Variants in PASK observed in about 807,000 individuals in gnomAD.
PASK encodes the protein PAS domain-containing serine/threonine-protein kinase.
In PASK, 110 loss-of-function variants were observed where a neutral mutation model predicts 121.0. That is an observed-to-expected ratio of 0.91 (90% CI 0.78 to 1.06). PASK has a LOEUF of 1.06. PASK is among the 50% of genes least tolerant of loss of function. The probability of loss-of-function intolerance (pLI) is 0.00; values close to 1 mark genes in which losing one functional copy is unlikely to be tolerated. For synonymous variants in PASK, 686 were observed against 717.8 expected (o/e 0.96, Z 0.71); for missense variants, 1,643 against 1,702.3 (o/e 0.97, Z 0.61).
Position 241,123,198 on chromosome 2 carries a change from C to G in PASK, c.2905-299G>C, listed in dbSNP as rs1416670366. Among the ~76,000 whole-genome samples the G allele has an allele frequency of 3.3e-4, 46 of 137,972 alleles. 1 individual carries two copies. In the South Asian group the frequency reaches 0.011, roughly 33 times the overall value. 90.5% of individuals were successfully genotyped at this position (137,972 alleles called of 152,430 possible). ...TCTTTTTTTTTTTTTTTTTTTTAGA[C>G]GGAGTCTGGCTCTGTCGCCCAGGCT... On this transcript the variant is annotated intron_variant, in intron 11 of 17. Transcript: ENST00000234040.
intron 9 of PASK, among the ~76,000 whole-genome samples, chr2:241,130,860 G>A (rs3213681): frequency 0.16 from 23,692 of 152,084 alleles, 2,797 homozygotes; most frequent in East Asian, 0.66. Context: ...ACATGTGTGT[G>A]CGTACACATA....
At chr2:241,116,418 C>G (rs1392066700) in intron 12 of PASK, among the ~76,000 whole-genome samples, 1 of 152,222 alleles carries the variant, frequency 6.6e-6, no homozygotes, top group Non-Finnish European at 1.5e-5. Context: ...GGAGCCATAA[C>G]CTGGGCTGGA....
intron 9 of PASK, among the ~76,000 whole-genome samples, chr2:241,128,772 G>A (rs866124257): frequency 6.6e-5 from 10 of 152,074 alleles, no homozygotes; most frequent in Middle Eastern, 3.2e-3. Flanking sequence ...AGGCTGAAGC[G>A]GGAACCTCGC....
At chr2:241,150,341 A>C, upstream of PASK, 2 of 1,313,114 alleles carry the variant, frequency 1.5e-6, no homozygotes, top group Non-Finnish European at 1.9e-6. Context: ...TCATGACGGA[A>C]CTACAACTCC....
At chr2:241,119,902 T>TC (rs2065534173) in intron 12 of PASK, among the ~76,000 whole-genome samples, 1 of 152,174 alleles carries the variant, frequency 6.6e-6, no homozygotes, top group Non-Finnish European at 1.5e-5. Context: ...ATCTTGTCCT[T>TC]CCCCACGGGT....
upstream of PASK, chr2:241,150,117 C>T: frequency 2.4e-6 from 3 of 1,260,088 alleles, no homozygotes; most frequent in South Asian, 2.2e-5. Flanking sequence ...CGCGGCCCCT[C>T]CACGCCTCCG....
chr2:241,149,697 C>A, upstream of PASK: 1 of 1,551,148 alleles, frequency 6.4e-7, no homozygotes, highest in Non-Finnish European at 8.7e-7. Context: ...TCCCGACTCG[C>A]GATCAAAATG....
chr2:241,136,103 C>T (rs541958681), intron 7 of PASK, 64 bp from the exon 8 acceptor site: 1 of 1,413,360 alleles, frequency 7.1e-7, no homozygotes, highest in African/African-American at 1.4e-5. Flanking sequence ...TGGACCGTCC[C>T]CCTGGGGGAG....
Position 241,127,111 on chromosome 2 carries a change from C to A in PASK, c.1804G>T (p.Ala602Ser), listed in dbSNP as rs2065905061. The A allele has an allele frequency of 6.2e-7, 1 of 1,614,068 alleles. No homozygotes were observed. The highest frequency in any genetic ancestry group is 2.2e-5 in the East Asian group (1 of 44,876). ...CAGTGCATCAGGAGGCTGCCCCCCG[C>A]CAGCTGACCCTTGGCCTGGGGCTTG... The part of the protein sequence containing the change: ...VAKPQAKGQL[A>S]GGSLLMHCPC... Residue 602 changes from alanine (A) to serine (S), a missense_variant, in exon 10 of 18, where the codon GCG (alanine) becomes TCG (serine). Physicochemically the swap from Ala to Ser is moderately conservative, Grantham distance 99 (BLOSUM62 1). Around this residue, in one of 3 missense-constraint regions of PASK, gnomAD observed 1,176 missense variants for 1,162.2 expected, o/e 1.01. Transcript: ENST00000234040.
In PASK at chr2:241,121,410, A is replaced by G. The variant is rs1053095647; in HGVS notation, c.3072+1322T>C. ...AACTAACAAGAAACAAAAACATGAC[A>G]TAATAAAATATAGTCAACAGAAAGT... On this transcript the variant is annotated intron_variant, in intron 12 of 17. Transcript: ENST00000234040. Among the ~76,000 whole-genome samples the G allele has an allele frequency of 7.2e-5, 11 of 152,384 alleles. No individual in the cohort carries two copies. The East Asian group carries it at 1.9e-3, about 27-fold the overall frequency.
chr2:241,127,189 T>C lies in PASK; in HGVS notation c.1726A>G (p.Met576Val). ...GAACCGCTGGGACCACTGACTCCCA[T>C]CCGCTCTAGCTGGGCCTTCTGACAC... ...GLCQKAQLER[M>V]GVSGPSGSDL... The change falls in exon 10 of 18, where the codon ATG becomes GTG. Residue 576 changes from methionine to valine, a missense_variant. This residue lies in a region of PASK where 1,176 missense variants were observed against 1,162.2 expected (regional missense o/e 1.01). Coordinates refer to ENST00000234040, the MANE Select transcript of PASK (RefSeq NM_015148.4). The C allele has an allele frequency of 5.6e-6, 9 of 1,614,182 alleles. No homozygotes were observed. Among genetic ancestry groups the C allele is most frequent in the Non-Finnish European group, 6.8e-6 (8 of 1,180,024 alleles).
At chr2:241,107,307 T>G in intron 17 of PASK, 46 bp downstream of exon 17, 1 of 1,578,800 alleles carries the variant, frequency 6.3e-7, no homozygotes, top group African/African-American at 1.4e-5. Context: ...GACCTCGTTA[T>G]TCCAAGTGAA....
chr2:241,150,245 G>C (rs1281485463), upstream of PASK: 7 of 1,289,068 alleles, frequency 5.4e-6, no homozygotes, highest in Admixed American at 7.9e-5. Flanking sequence ...GACTCCCTCT[G>C]CTTTCCTTCC....
At position 241,132,964 on chromosome 2, in the gene PASK, A is replaced by C; in HGVS notation, c.1373T>G (p.Met458Arg). The C allele has an allele frequency of 1.2e-6, 2 of 1,614,008 alleles. No individual in the cohort carries two copies. The highest frequency in any genetic ancestry group is 1.7e-6 in the Non-Finnish European group (2 of 1,179,902). The change falls in exon 9 of 18, where the codon ATG (methionine) becomes AGG (arginine). Residue 458 changes from methionine to arginine, a missense_variant. This residue lies in a region of PASK where 1,176 missense variants were observed against 1,162.2 expected (regional missense o/e 1.01). Coordinates refer to ENST00000234040, the MANE Select transcript of PASK (RefSeq NM_015148.4). Reference sequence around the variant, plus strand: ...CCCGGTGAAGATGTCTTGGCTTTCCATCAGCTTCCGGATCTCATCTCGGGG... The same window carrying C: ...CCCGGTGAAGATGTCTTGGCTTTCCCTCAGCTTCCGGATCTCATCTCGGGG... ...VVPRDEIRKL[M>R]ESQDIFTGTQ...
In PASK at chr2:241,126,972, A is replaced by G. The variant is rs1255523318; in HGVS notation, c.1943T>C (p.Leu648Pro). The G allele has an allele frequency of 1.9e-6, 3 of 1,614,098 alleles. No individual in the cohort carries two copies. The highest frequency in any genetic ancestry group is 2.5e-6 in the Non-Finnish European group (3 of 1,180,038). The change falls in exon 10 of 18, where the codon CTG (leucine) becomes CCG (proline). Residue 648 changes from leucine to proline, a missense_variant. Transcript: ENST00000234040. ...FGTPTLDEPW[L>P]GVENDREELQ... ...CTCTTCTCGGTCGTTTTCCACTCCC[A>G]GCCACGGCTCATCTAGAGTAGGTGT...
chr2:241,146,443 G>C (rs2066959267), intron 1 of PASK, among the ~76,000 whole-genome samples: 4 of 152,098 alleles, frequency 2.6e-5, no homozygotes, highest in Admixed American at 2.6e-4. Flanking sequence ...GCAGAAAAAA[G>C]GGAGGGAAGA....
intron 12 of PASK, chr2:241,119,053 G>A (rs567866337): frequency 1.3e-5 from 7 of 541,718 alleles, no homozygotes; most frequent in Non-Finnish European, 1.7e-5. Context: ...CCAGAGGCTG[G>A]ACAGAGGGAG....
chr2:241,133,397 C>A (rs2066260498), intron 8 of PASK: 1 of 363,898 alleles, frequency 2.7e-6, no homozygotes, highest in African/African-American at 2.1e-5. Context: ...GGCCTCCCTG[C>A]CATATCTGAA....
At position 241,112,213 on chromosome 2, in the gene PASK, C is replaced by T. The variant is rs1432695682; in HGVS notation, c.3533+27G>A. ...AGGGTCCTGACAGAGGACACGAGGA[C>T]GGGCCGCACCGCAGCCGCATACGTA... On this transcript the variant is annotated intron_variant, in intron 15 of 17. Transcript: ENST00000234040. The surrounding 1 kb of genome is among the most constrained non-coding windows in gnomAD (Gnocchi z 5.2). The T allele has an allele frequency of 5.7e-6, 9 of 1,573,486 alleles. No individual in the cohort carries two copies. The highest frequency in any genetic ancestry group is 1.7e-5 in the Admixed American group (1 of 59,964).
Sources: gnomAD v4.1 joint callset for allele counts (sites outside exome capture counted in the v4.1 genomes callset) on GRCh38, gnomAD v4.1.1 for gene constraint, gnomAD v4.1.1 regional missense constraint, Gnocchi (gnomAD v3.1) non-coding constraint, MANE v1.5 for transcripts, NCBI Gene and HGNC (gene_info 2026-07-23, HGNC 2026-07-21) for gene names.